Variants in NEGR1 observed in about 807,000 individuals in gnomAD.
NEGR1 encodes IgLON family member 4.
NEGR1 carries 10 observed loss-of-function variants against 40.9 expected under a neutral mutation model. That is an observed-to-expected ratio of 0.24 (90% CI 0.15 to 0.42). NEGR1 has a LOEUF of 0.42. NEGR1 is among the 10% of genes least tolerant of loss of function. NEGR1 has a pLI of 1.00. For missense variants in NEGR1, 352 were observed against 438.9 expected, an observed-to-expected ratio of 0.80 and a Z score of 1.77; for synonymous variants, 185 against 166.8, an observed-to-expected ratio of 1.11 and a Z score of -0.84.
At chr1:71,500,216 A>G (rs1046152399) in intron 6 of NEGR1, among the ~76,000 whole-genome samples, 8 of 152,028 alleles carry the variant, frequency 5.3e-5, no homozygotes, top group African/African-American at 1.9e-4. Flanking sequence ...ATTATTGTCA[A>G]TGACTGCTTG....
intron 1 of NEGR1, among the ~76,000 whole-genome samples, chr1:72,084,100 C>T (rs2100532604): frequency 6.6e-6 from 1 of 151,498 alleles, no homozygotes; most frequent in African/African-American, 2.4e-5. Context: ...TCATAGTTTT[C>T]TTTTTTTTTC....
chr1:71,895,745 C>G (rs1660953206), intron 2 of NEGR1, among the ~76,000 whole-genome samples: 1 of 152,142 alleles, frequency 6.6e-6, no homozygotes, highest in South Asian at 2.1e-4. Flanking sequence ...ATCAGTAACG[C>G]TGCTAAGAGC....
intron 6 of NEGR1, among the ~76,000 whole-genome samples, chr1:71,543,571 G>A (rs2101460150): frequency 6.6e-6 from 1 of 151,764 alleles, no homozygotes; most frequent in Admixed American, 6.6e-5. Flanking sequence ...TAATGTGGGA[G>A]GGCATAATGA....
intron 2 of NEGR1, among the ~76,000 whole-genome samples, chr1:71,924,642 T>G (rs2101886168): frequency 6.6e-6 from 1 of 152,358 alleles, no homozygotes; most frequent in East Asian, 1.9e-4. Context: ...TGTTTGGGTT[T>G]GGCATTAGAA....
chr1:71,928,477 C>CAT lies in NEGR1; in HGVS notation c.409+6600_409+6601dup, dbSNP rs1364512627. Among the ~76,000 whole-genome samples, 55 of 114,484 alleles carry CAT rather than the reference C, an allele frequency of 4.8e-4. 4 individuals carry two copies. The highest frequency in any genetic ancestry group is 1.6e-3 in the African/African-American group (53 of 33,082). The allele number at this position is 114,484 out of a possible 152,430, so 75.1% of individuals were successfully genotyped here. On this transcript the variant is annotated intron_variant, in intron 2 of 6. Coordinates refer to ENST00000357731, the MANE Select transcript of NEGR1 (RefSeq NM_173808.3). ...ATATACACACATACTTATATATACACATATATATGTATATATACACATATG... is the reference window on the plus strand; with the variant it reads ...ATATACACACATACTTATATATACACATATATATATGTATATATACACATATG...
At chr1:71,588,382 A>G (rs1040397387) in intron 6 of NEGR1, among the ~76,000 whole-genome samples, 1 of 152,116 alleles carries the variant, frequency 6.6e-6, no homozygotes, top group Non-Finnish European at 1.5e-5. Context: ...GAGGGCTAAT[A>G]TACAGTGATC....
chr1:71,403,914 A>G lies in NEGR1; in HGVS notation c.*3532T>C. ...ATTTATTCATATTCATATCTATTGA[A>G]ATACTGTACATCCACATACTTCAAT... On this transcript the variant is annotated 3_prime_UTR_variant, in exon 7 of 7. Coordinates refer to ENST00000357731, the MANE Select transcript of NEGR1 (RefSeq NM_173808.3). 2.6e-6 allele frequency: 1 copy of G among 379,602 alleles called. No homozygotes were observed. The highest frequency in any genetic ancestry group is 4.7e-6 in the Non-Finnish European group (1 of 212,352). The allele number at this position is 379,602 out of a possible 1,614,324, so 23.5% of individuals were successfully genotyped here.
chr1:71,488,345 G>C (rs1488925189), intron 6 of NEGR1, among the ~76,000 whole-genome samples: 1 of 151,800 alleles, frequency 6.6e-6, no homozygotes, highest in Non-Finnish European at 1.5e-5. Context: ...GGTTAGCCTA[G>C]ATAGAGCCTG....
At chr1:72,070,190 C>A (rs1042001099) in intron 1 of NEGR1, among the ~76,000 whole-genome samples, 4 of 151,952 alleles carry the variant, frequency 2.6e-5, no homozygotes, top group East Asian at 3.9e-4. Flanking sequence ...GATTACTGAT[C>A]TTTTAAATAT....
intron 1 of NEGR1, among the ~76,000 whole-genome samples, chr1:72,100,342 T>A (rs2100242873): frequency 6.6e-6 from 1 of 152,340 alleles, no homozygotes; most frequent in South Asian, 2.1e-4. Context: ...TGATTTTCTC[T>A]GATTTCAGTG....
intron 1 of NEGR1, among the ~76,000 whole-genome samples, chr1:72,117,102 G>A (rs1387233600): frequency 6.6e-6 from 1 of 151,558 alleles, no homozygotes; most frequent in African/African-American, 2.4e-5. Context: ...TCTTCCCTCT[G>A]TTTTCTTGGC....
intron 2 of NEGR1, among the ~76,000 whole-genome samples, chr1:71,787,921 A>T (rs551806298): frequency 2.6e-5 from 4 of 152,276 alleles, no homozygotes; most frequent in African/African-American, 9.6e-5. Flanking sequence ...AAAGTTGTAC[A>T]TTATCACACT....
At chr1:71,738,638 TAG>T (rs996711423) in intron 3 of NEGR1, among the ~76,000 whole-genome samples, 3 of 152,086 alleles carry the variant, frequency 2.0e-5, no homozygotes, top group Non-Finnish European at 4.4e-5. Flanking sequence ...CTGTCTGGTG[TAG>T]AGTTTTCTGT....
At chr1:72,256,080 A>G (rs1287632268) in intron 1 of NEGR1, among the ~76,000 whole-genome samples, 8 of 152,222 alleles carry the variant, frequency 5.3e-5, no homozygotes, top group Non-Finnish European at 1.0e-4. Flanking sequence ...GCCTGGTAAC[A>G]TATACTTTAT....
At position 72,034,219 on chromosome 1, in the gene NEGR1, T is replaced by C. The variant is rs539869177; in HGVS notation, c.177-98908A>G. ...TAAATATTTGGCCAGTTACAATACA[T>C]AGTGGTCCTCGCCAAAACCACACAG... On this transcript the variant is annotated intron_variant, in intron 1 of 6. Coordinates refer to ENST00000357731, the MANE Select transcript of NEGR1 (RefSeq NM_173808.3). Among the ~76,000 whole-genome samples, 98 of 152,344 alleles carry C rather than the reference T, an allele frequency of 6.4e-4. 2 individuals are homozygous for C. The highest frequency in any genetic ancestry group is 2.2e-3 in the African/African-American group (91 of 41,578).
chr1:71,941,132 C>T (rs1645955313), intron 1 of NEGR1, among the ~76,000 whole-genome samples: 1 of 152,130 alleles, frequency 6.6e-6, no homozygotes, highest in Admixed American at 6.5e-5. Context: ...GCTGTCTCTT[C>T]ATTGCATCAT....
chr1:71,775,679 T>A (rs1656479778), intron 3 of NEGR1, among the ~76,000 whole-genome samples: 1 of 151,730 alleles, frequency 6.6e-6, no homozygotes, highest in Non-Finnish European at 1.5e-5. Flanking sequence ...TGCCTTTAAG[T>A]ATGAAGAGTA....
chr1:71,565,308 A>T (rs961212712), intron 6 of NEGR1, among the ~76,000 whole-genome samples: 2 of 152,188 alleles, frequency 1.3e-5, no homozygotes, highest in Non-Finnish European at 2.9e-5. Context: ...GGAAAAAATA[A>T]GCAGCTGGAG....
chr1:71,822,849 A>T (rs975854767), intron 2 of NEGR1, among the ~76,000 whole-genome samples: 1 of 151,988 alleles, frequency 6.6e-6, no homozygotes, highest in African/African-American at 2.4e-5. Context: ...TTATGACTAC[A>T]GGACCCACTA....
Sources: allele counts gnomAD v4.1 joint callset (sites outside exome capture counted in the v4.1 genomes callset), GRCh38; gene constraint gnomAD v4.1.1; transcripts MANE v1.5; gene names NCBI Gene and HGNC (gene_info 2026-07-23, HGNC 2026-07-21).